Variants in PSMD12 observed in about 807,000 individuals in gnomAD.
The protein encoded by PSMD12 is proteasome 26S subunit, non-ATPase 12, also known as 26S proteasome non-ATPase regulatory subunit 12.
In PSMD12, 8 loss-of-function variants were observed where a neutral mutation model predicts 62.9. That is an observed-to-expected ratio of 0.13 (90% CI 0.07 to 0.23). The LOEUF (loss-of-function observed/expected upper bound fraction) is 0.23. Among genes scored for constraint, PSMD12 ranks in the 10% least tolerant of loss-of-function variants. The pLI is 1.00. For missense variants in PSMD12, 424 were observed against 550.2 expected, an observed-to-expected ratio of 0.77 and a Z score of 2.29; for synonymous variants, 173 against 187.4, an observed-to-expected ratio of 0.92 and a Z score of 0.63.
At chr17:67,356,419 G>A (rs11868405) in intron 3 of PSMD12, among the ~76,000 whole-genome samples, 26,626 of 149,824 alleles carry the variant, frequency 0.18, 2,997 homozygotes, top group South Asian at 0.32. Flanking sequence ...TTAGCCGGGC[G>A]TGGTAGCGGG....
chr17:67,350,160 ACATT>A (rs1226374562), intron 4 of PSMD12, 65 bp downstream of exon 4: 33 of 919,836 alleles, frequency 3.6e-5, no homozygotes, highest in Middle Eastern at 2.3e-4. Context: ...ATATCTACAT[ACATT>A]AAGTATCTCT....
At chr17:67,360,509 C>T (rs1334735644) in intron 1 of PSMD12, among the ~76,000 whole-genome samples, 1 of 152,188 alleles carries the variant, frequency 6.6e-6, no homozygotes, top group African/African-American at 2.4e-5. Flanking sequence ...TTGGTGTTTA[C>T]TGTCTTTCCA....
chr17:67,362,152 T>G (rs2042136568), intron 1 of PSMD12, among the ~76,000 whole-genome samples: 1 of 152,212 alleles, frequency 6.6e-6, no homozygotes, highest in South Asian at 2.1e-4. Context: ...AATAACCATG[T>G]GCCAAATACA....
At chr17:67,365,713 C>A (rs531871902) in intron 1 of PSMD12, among the ~76,000 whole-genome samples, 11 of 152,304 alleles carry the variant, frequency 7.2e-5, no homozygotes, top group African/African-American at 2.6e-4. Context: ...GTCTTTACTT[C>A]TGTAGTTCCG....
chr17:67,345,873 A>C lies in PSMD12; in HGVS notation c.796-16T>G, dbSNP rs749612884. On this transcript the variant is annotated splice_polypyrimidine_tract_variant and intron_variant, in intron 7 of 10. Transcript: ENST00000356126. The stretch of plus-strand genomic sequence containing the variant: ...TCTTCAGAGCCTAAAAGAGTTGTAC[A>C]ACAAGTTATATGCAAGACTGGACAT... 6.3e-7 allele frequency: 1 copy of C among 1,579,460 alleles called. No homozygotes were observed. Among genetic ancestry groups the C allele is most frequent in the South Asian group, 1.1e-5 (1 of 90,272 alleles).
At position 67,345,870 on chromosome 17, in the gene PSMD12, TACA is replaced by T. The variant is rs1373834853; in HGVS notation, c.796-16_796-14del. The T allele has an allele frequency of 1.3e-6, 2 of 1,584,890 alleles. No homozygotes were observed. Among genetic ancestry groups the T allele is most frequent in the African/African-American group, 1.3e-5 (1 of 74,196 alleles). ...CACTCTTCAGAGCCTAAAAGAGTTG[TACA>T]ACAAGTTATATGCAAGACTGGACAT... On this transcript the variant is annotated splice_polypyrimidine_tract_variant and intron_variant, in intron 7 of 10. Coordinates refer to ENST00000356126, the MANE Select transcript of PSMD12 (RefSeq NM_002816.5).
At position 67,339,499 on chromosome 17, in the gene PSMD12, T is replaced by C. The variant is rs1381620425; in HGVS notation, c.*1344A>G. 2.0e-5 allele frequency: 3 copies of C among 152,202 alleles called. No individual in the cohort carries two copies. Among genetic ancestry groups the C allele is most frequent in the Non-Finnish European group, 4.4e-5 (3 of 68,042 alleles). The allele number at this position is 152,202 out of a possible 1,614,324, so 9.4% of individuals were successfully genotyped here. ...AAAGAATAAAATCAGATTACTTCAG[T>C]ACTGTATGTCATTATTCACAATGAC... On this transcript the variant is annotated 3_prime_UTR_variant, in exon 11 of 11. Coordinates refer to ENST00000356126, the MANE Select transcript of PSMD12 (RefSeq NM_002816.5).
At chr17:67,350,107 A>G (rs2042003397) in intron 4 of PSMD12, 122 bp downstream of exon 4, 1 of 582,798 alleles carries the variant, frequency 1.7e-6, no homozygotes, top group African/African-American at 1.9e-5. Context: ...CAGTGATGAC[A>G]TTTTGTGTAT....
chr17:67,350,858 G>C (rs1465494518), intron 3 of PSMD12, among the ~76,000 whole-genome samples: 1 of 152,058 alleles, frequency 6.6e-6, no homozygotes, highest in Non-Finnish European at 1.5e-5. Context: ...TATGATCCAG[G>C]TCACAAATCA....
intron 3 of PSMD12, among the ~76,000 whole-genome samples, chr17:67,351,531 A>C (rs1230208295): frequency 6.6e-6 from 1 of 151,906 alleles, no homozygotes; most frequent in South Asian, 2.1e-4. Flanking sequence ...ATTTCCACGA[A>C]AAACATTTAA....
rs2041977370 is a variant in PSMD12, at chr17:67,347,351, C to A, written c.645G>T (p.Gln215His). 5.0e-6 allele frequency: 8 copies of A among 1,613,762 alleles called. No individual in the cohort carries two copies. In the East Asian group the frequency reaches 1.8e-4, roughly 36 times the overall value. ...ATATGCTCACCTCTGTATTTTCTTC[C>A]TGGAAAAATTTGGTGTTAATTTTCT... ...ISKKINTKFF[Q>H]EENTEKLKLK... The change falls in exon 6 of 11, where the codon CAG becomes CAT. Residue 215 changes from glutamine to histidine, a missense_variant. Transcript: ENST00000356126.
intron 3 of PSMD12, among the ~76,000 whole-genome samples, chr17:67,353,092 GTACATTAA>G (rs1487788718): frequency 2.0e-5 from 3 of 152,080 alleles, no homozygotes; most frequent in African/African-American, 7.2e-5. Flanking sequence ...GGGGACTACT[GTACATTAA>G]TACGCTAACA....
chr17:67,358,567 C>CAAAAAAAA (rs398039153), intron 1 of PSMD12, among the ~76,000 whole-genome samples: 18 of 74,042 alleles, frequency 2.4e-4, no homozygotes, highest in South Asian at 5.8e-4. Context: ...GAACCTGTCT[C>CAAAAAAAA]AAAAAAAAAA....
intron 1 of PSMD12, among the ~76,000 whole-genome samples, chr17:67,357,907 G>T (rs1203555674): frequency 1.3e-5 from 2 of 149,636 alleles, no homozygotes; most frequent in Non-Finnish European, 3.0e-5. Flanking sequence ...ACTCAGTGTG[G>T]TAACACCTGT....
intron 1 of PSMD12, among the ~76,000 whole-genome samples, chr17:67,358,949 C>A (rs2042104581): frequency 6.6e-6 from 1 of 152,104 alleles, no homozygotes; most frequent in Admixed American, 6.5e-5. Context: ...GAGATTGGAA[C>A]AATAAAACTC....
In PSMD12 at chr17:67,356,557, C is replaced by CAAAAAAAAAAAAAA. The variant is rs35353017; in HGVS notation, c.297+732_297+745dup. 1.4e-3 allele frequency among the ~76,000 whole-genome samples: 21 copies of CAAAAAAAAAAAAAA among 14,994 alleles called. 1 individual carries two copies. Among genetic ancestry groups the CAAAAAAAAAAAAAA allele is most frequent in the Non-Finnish European group, 2.7e-3 (16 of 5,834 alleles). 9.8% of individuals were successfully genotyped at this position (14,994 alleles called of 152,430 possible). A position where few individuals can be genotyped will look rare whatever the true frequency, so the allele number is the denominator to read the frequency against. On this transcript the variant is annotated intron_variant, in intron 3 of 10. Coordinates refer to ENST00000356126, the MANE Select transcript of PSMD12 (RefSeq NM_002816.5). Reference sequence around the variant, plus strand: ...TGGGCGACAGAGCGAGACTCCGTCTCAAAAAAAAAAAAAAAAAAAAAAAAA... The same window carrying CAAAAAAAAAAAAAA: ...TGGGCGACAGAGCGAGACTCCGTCTCAAAAAAAAAAAAAAAAAAAAAAAAAAAAAAAAAAAAAAA...
chr17:67,356,509 G>T (rs2042074057), intron 3 of PSMD12, among the ~76,000 whole-genome samples: 1 of 110,052 alleles, frequency 9.1e-6, no homozygotes, highest in Non-Finnish European at 1.7e-5. Flanking sequence ...AGTGAGCCGA[G>T]ATCGCGCCAC....
At chr17:67,346,471 AG>A (rs912505509) in intron 7 of PSMD12, among the ~76,000 whole-genome samples, 13 of 152,016 alleles carry the variant, frequency 8.6e-5, no homozygotes, top group African/African-American at 3.1e-4. Context: ...AGACTGAGGC[AG>A]GCGAGTCACT....
intron 3 of PSMD12, among the ~76,000 whole-genome samples, chr17:67,352,090 A>G (rs2042024135): frequency 1.3e-5 from 2 of 151,898 alleles, no homozygotes; most frequent in Non-Finnish European, 2.9e-5. Flanking sequence ...CAAAAAAAAA[A>G]AAAAAAAAAT....
Sources: allele counts gnomAD v4.1 joint callset (sites outside exome capture counted in the v4.1 genomes callset), GRCh38; gene constraint gnomAD v4.1.1; transcripts MANE v1.5; gene names NCBI Gene and HGNC (gene_info 2026-07-23, HGNC 2026-07-21).